ARB2A: variants seen among roughly 807,000 people sequenced by gnomAD.
ARB2A encodes cotranscriptional regulator ARB2A.
chr5:93,776,772 C>T, the ARB2A span, among the ~76,000 whole-genome samples: 5 of 151,712 alleles, frequency 3.3e-5, no homozygotes, highest in Non-Finnish European at 7.4e-5. Flanking sequence ...AGGGAGACCC[C>T]GTCTCAAAAA....
At chr5:93,851,425 C>T in the ARB2A span, among the ~76,000 whole-genome samples, 1 of 152,122 alleles carries the variant, frequency 6.6e-6, no homozygotes, top group Non-Finnish European at 1.5e-5. Context: ...TGAACAGCAG[C>T]ATACGTAACA....
chr5:93,730,281 C>T, the ARB2A span, among the ~76,000 whole-genome samples: 26 of 152,156 alleles, frequency 1.7e-4, no homozygotes, highest in Middle Eastern at 3.4e-3. Context: ...AGCAGCAAAA[C>T]GTTCTTTTTT....
At chr5:93,630,919 G>C in the ARB2A span, among the ~76,000 whole-genome samples, 1 of 151,922 alleles carries the variant, frequency 6.6e-6, no homozygotes, top group Non-Finnish European at 1.5e-5. Flanking sequence ...AGACAGGGTC[G>C]TCTTGCTTTG....
At chr5:93,827,298 T>C in the ARB2A span, among the ~76,000 whole-genome samples, 1 of 152,222 alleles carries the variant, frequency 6.6e-6, no homozygotes, top group Non-Finnish European at 1.5e-5. Context: ...TTAACTGGTG[T>C]AAGATGGTAT....
At chr5:93,996,839 T>C in the ARB2A span, among the ~76,000 whole-genome samples, 6 of 152,090 alleles carry the variant, frequency 3.9e-5, no homozygotes, top group Non-Finnish European at 7.4e-5. Context: ...CTTAATCTTC[T>C]ACTGTAAGTC....
At chr5:93,962,681 G>C in the ARB2A span, among the ~76,000 whole-genome samples, 1 of 152,040 alleles carries the variant, frequency 6.6e-6, no homozygotes, top group African/African-American at 2.4e-5. Flanking sequence ...GTTGTGAAGA[G>C]AAGTTTCACA....
At chr5:94,100,921 G>T in the ARB2A span, among the ~76,000 whole-genome samples, 4 of 152,078 alleles carry the variant, frequency 2.6e-5, no homozygotes, top group African/African-American at 9.7e-5. Context: ...CGCAACAAAA[G>T]CAAAAACGGA....
chr5:93,897,736 T>TG, the ARB2A span, among the ~76,000 whole-genome samples: 3 of 151,806 alleles, frequency 2.0e-5, no homozygotes, highest in Non-Finnish European at 4.4e-5. Context: ...TAAAAATATT[T>TG]GGGGGAGAGA....
chr5:93,967,340 T>C, the ARB2A span, among the ~76,000 whole-genome samples: 1 of 152,042 alleles, frequency 6.6e-6, no homozygotes, highest in Non-Finnish European at 1.5e-5. Context: ...TGGAAGTAGG[T>C]ACTACTGACC....
chr5:93,741,485 G>C, the ARB2A span: 1 of 1,613,280 alleles, frequency 6.2e-7, no homozygotes, highest in Admixed American at 1.7e-5. Context: ...TCAACCCGCA[G>C]GGGCATCGGC....
the ARB2A span, among the ~76,000 whole-genome samples, chr5:93,721,889 T>C: frequency 6.6e-6 from 1 of 152,180 alleles, no homozygotes; most frequent in Non-Finnish European, 1.5e-5. Context: ...TATAGGAATT[T>C]CATGTTTCAA....
the ARB2A span, among the ~76,000 whole-genome samples, chr5:93,932,442 C>G: frequency 6.6e-6 from 1 of 152,076 alleles, no homozygotes; most frequent in Non-Finnish European, 1.5e-5. Context: ...CACCAATAAA[C>G]ATAATGTTGA....
the ARB2A span, among the ~76,000 whole-genome samples, chr5:93,779,961 A>G: frequency 6.6e-6 from 1 of 152,166 alleles, no homozygotes; most frequent in South Asian, 2.1e-4. Context: ...AGTAGGTTTG[A>G]AATAACTTTT....
chr5:93,777,019 AT>A, the ARB2A span, among the ~76,000 whole-genome samples: 1 of 152,122 alleles, frequency 6.6e-6, no homozygotes, highest in African/African-American at 2.4e-5. Context: ...TGAATTTTGT[AT>A]TTACTCCTCA....
At chr5:93,619,284 C>A in the ARB2A span, 5 of 152,196 alleles carry the variant, frequency 3.3e-5, no homozygotes, top group African/African-American at 1.2e-4. Context: ...TTTGATTTTT[C>A]CTCCTATATA....
the ARB2A span, among the ~76,000 whole-genome samples, chr5:93,722,864 A>G: frequency 6.6e-6 from 1 of 152,160 alleles, no homozygotes; most frequent in Non-Finnish European, 1.5e-5. Context: ...ATGTATAACA[A>G]TCAGTTACAC....
the ARB2A span, among the ~76,000 whole-genome samples, chr5:93,717,113 T>C: frequency 1.3e-5 from 2 of 152,210 alleles, no homozygotes; most frequent in Non-Finnish European, 2.9e-5. Flanking sequence ...TCTCTTTTCA[T>C]ATGTGAAATA....
chr5:93,805,377 G>T, the ARB2A span: 1 of 985,004 alleles, frequency 1.0e-6, no homozygotes, highest in African/African-American at 1.7e-5. Flanking sequence ...CCTTTTTCAT[G>T]TTTCCCAGTA....
chr5:93,809,972 T>C, the ARB2A span, among the ~76,000 whole-genome samples: 85 of 152,100 alleles, frequency 5.6e-4, no homozygotes, highest in Non-Finnish European at 9.1e-4. Flanking sequence ...TGATAAGCAT[T>C]GAGTAATGAA....
Sources: gnomAD v4.1 joint callset for allele counts (sites outside exome capture counted in the v4.1 genomes callset) on GRCh38, gnomAD v4.1.1 for gene constraint, MANE v1.5 for transcripts, NCBI Gene and HGNC (gene_info 2026-07-23, HGNC 2026-07-21) for gene names.